ARMC3: variants seen among roughly 807,000 people sequenced by gnomAD.
ARMC3 encodes the protein armadillo repeat containing 3, also known as armadillo repeat-containing protein 3.
ARMC3 carries 74 observed loss-of-function variants against 90.3 expected under a neutral mutation model. That is an observed-to-expected ratio of 0.82 (90% confidence interval 0.68 to 0.99). ARMC3 has a LOEUF of 0.99. Among genes scored for constraint, ARMC3 ranks in the 50% least tolerant of loss-of-function variants. ARMC3 has a pLI of 0.00. For synonymous variants in ARMC3, 334 were observed against 361.8 expected (o/e 0.92, Z 0.87); for missense variants, 958 against 1,042.8 (o/e 0.92, Z 1.12).
At chr10:22,967,265 A>G (rs777976502) in intron 7 of ARMC3, among the ~76,000 whole-genome samples, 7 of 152,176 alleles carry the variant, frequency 4.6e-5, no homozygotes, top group Non-Finnish European at 7.3e-5. Context: ...AATCTCATAT[A>G]AAAAGTACTT....
At chr10:22,937,588 G>C (rs1460749492) in intron 2 of ARMC3, among the ~76,000 whole-genome samples, 1 of 152,134 alleles carries the variant, frequency 6.6e-6, no homozygotes, top group Non-Finnish European at 1.5e-5. Flanking sequence ...TATGAAGGTA[G>C]GTTGGGATCT....
At chr10:23,007,051 G>A (rs372615543) in intron 14 of ARMC3, 70 bp downstream of exon 14, 7 of 1,256,652 alleles carry the variant, frequency 5.6e-6, no homozygotes, top group Non-Finnish European at 6.7e-6. Flanking sequence ...CTCCACCAAC[G>A]TGTGAATATG....
chr10:22,981,258 T>A (rs1836168751), intron 8 of ARMC3, 82 bp from the exon 9 acceptor site: 2 of 1,293,718 alleles, frequency 1.5e-6, no homozygotes, highest in African/African-American at 3.0e-5. Flanking sequence ...TGAATTCCTA[T>A]TAGACTTTGG....
chr10:22,961,067 A>T (rs1835170465), intron 6 of ARMC3: 1 of 152,228 alleles, frequency 6.6e-6, no homozygotes, highest in Non-Finnish European at 1.5e-5. Flanking sequence ...TTAGGACTTC[A>T]GCATATATTT....
At position 22,941,502 on chromosome 10, in the gene ARMC3, G is replaced by A. The variant is rs539699601; in HGVS notation, c.49-4642G>A. On this transcript the variant is annotated intron_variant, in intron 2 of 18. Coordinates refer to ENST00000298032, the MANE Select transcript of ARMC3 (RefSeq NM_173081.5). ...AGTAAGATGAGAATGTGTCCATTCT[G>A]TGAGAATAGGAGATTGAGTTATCTA... Among the ~76,000 whole-genome samples the A allele has an allele frequency of 9.7e-4, 148 of 152,292 alleles. 2 individuals are homozygous for A. In the South Asian group the frequency reaches 0.03, roughly 31 times the overall value.
At chr10:23,005,578 G>A (rs1180727793) in intron 13 of ARMC3, among the ~76,000 whole-genome samples, 1 of 151,972 alleles carries the variant, frequency 6.6e-6, no homozygotes, top group Admixed American at 6.6e-5. Context: ...AAAATGAGAG[G>A]CACTGGCTTG....
intron 8 of ARMC3, 100 bp downstream of exon 8, chr10:22,968,589 T>TC: frequency 9.3e-7 from 1 of 1,075,774 alleles, no homozygotes; most frequent in South Asian, 1.9e-5. Context: ...AGCCTCAACC[T>TC]CCCCAGGTTA....
intron 17 of ARMC3, among the ~76,000 whole-genome samples, chr10:23,031,839 G>T (rs1193066876): frequency 6.6e-6 from 1 of 151,892 alleles, no homozygotes; most frequent in Non-Finnish European, 1.5e-5. Context: ...CCCCTGGCTT[G>T]GTGGAACTGC....
chr10:23,032,834 G>T (rs781443323), intron 17 of ARMC3, 27 bp from the exon 18 acceptor site: 11 of 1,596,496 alleles, frequency 6.9e-6, no homozygotes, highest in South Asian at 2.2e-5. Context: ...AAAATTGACC[G>T]ATTTGATCTC....
intron 16 of ARMC3, among the ~76,000 whole-genome samples, chr10:23,020,799 C>T (rs1173893270): frequency 6.6e-6 from 1 of 151,972 alleles, no homozygotes; most frequent in African/African-American, 2.4e-5. Flanking sequence ...TTTGTTTTTG[C>T]TTTTTCTCAA....
chr10:22,968,885 A>G (rs1047619518), intron 8 of ARMC3, among the ~76,000 whole-genome samples: 1 of 152,166 alleles, frequency 6.6e-6, no homozygotes, highest in African/African-American at 2.4e-5. Context: ...CTTTTAAAAA[A>G]CCATTTGAGA....
rs1839194025 is a variant in ARMC3, at chr10:23,038,206, A to T, written c.*727A>T. On this transcript the variant is annotated 3_prime_UTR_variant, in exon 19 of 19. Coordinates refer to ENST00000298032, the MANE Select transcript of ARMC3 (RefSeq NM_173081.5). ...TATTTTCAATTTATAGAACTAAAAA[A>T]TTTTTATTTTTTGGAAAACTTTGAA... 2 of 152,178 alleles carry T rather than the reference A, an allele frequency of 1.3e-5. No homozygotes were observed. Among genetic ancestry groups the T allele is most frequent in the African/African-American group, 4.8e-5 (2 of 41,446 alleles). The allele number at this position is 152,178 out of a possible 1,614,324, so 9.4% of individuals were successfully genotyped here.
At chr10:22,937,128 C>T (rs1209604148) in intron 2 of ARMC3, among the ~76,000 whole-genome samples, 7 of 152,078 alleles carry the variant, frequency 4.6e-5, no homozygotes, top group Non-Finnish European at 1.0e-4. Context: ...GTCTCGAACT[C>T]CTGGGCTCAA....
At chr10:22,944,072 G>T (rs1372587238) in intron 2 of ARMC3, among the ~76,000 whole-genome samples, 1 of 152,140 alleles carries the variant, frequency 6.6e-6, no homozygotes, top group Non-Finnish European at 1.5e-5. Flanking sequence ...GTGGCTGGAG[G>T]TTTTGCCTGA....
intron 10 of ARMC3, among the ~76,000 whole-genome samples, chr10:22,997,061 T>C (rs1329672392): frequency 2.0e-5 from 3 of 152,192 alleles, no homozygotes; most frequent in African/African-American, 7.2e-5. Context: ...TAAATGGATT[T>C]TGAAAACAGA....
chr10:22,971,624 A>G (rs1001695401), intron 8 of ARMC3, among the ~76,000 whole-genome samples: 13 of 151,884 alleles, frequency 8.6e-5, no homozygotes, highest in African/African-American at 3.1e-4. Context: ...TATTTGTAGT[A>G]GAGACATGAT....
At position 22,959,069 on chromosome 10, in the gene ARMC3, G is replaced by A. The variant is rs1236380018; in HGVS notation, c.293-1G>A. 6.2e-7 allele frequency: 1 copy of A among 1,601,212 alleles called. No homozygotes were observed. Among genetic ancestry groups the A allele is most frequent in the East Asian group, 2.2e-5 (1 of 44,828 alleles). ...TCAATACTCTGTTTCTTCCTTTGTA[G>A]ATGATGTTAAAAAATTGTTAAGGGA... is the stretch of plus-strand genomic sequence containing the variant. On this transcript the variant is annotated splice_acceptor_variant, in intron 4 of 18. Coordinates refer to ENST00000298032, the MANE Select transcript of ARMC3 (RefSeq NM_173081.5). LOFTEE classifies it high-confidence loss of function.
At chr10:22,947,929 T>TGATAA (rs143733147) in intron 3 of ARMC3, among the ~76,000 whole-genome samples, 5,510 of 152,276 alleles carry the variant, frequency 0.036, 314 homozygotes, top group African/African-American at 0.12. Flanking sequence ...TTATTACAAA[T>TGATAA]GATTAGACTT....
rs755652030 is a variant in ARMC3 at position 23,030,716 on chromosome 10, T to C, written c.2166T>C (p.Asp722=). 92 of 1,613,806 alleles carry C rather than the reference T, an allele frequency of 5.7e-5. No homozygotes were observed. The highest frequency in any genetic ancestry group is 7.7e-5 in the Non-Finnish European group (91 of 1,179,876). The change falls in exon 17 of 19, where the codon GAT becomes GAC. Residue 722 remains aspartate (D), a synonymous_variant. Transcript: ENST00000298032. ...AATGGTGTCCTCCCTCTGACCCTGA[T>C]TTCTCTATGTATGTGTATGAGGTGA... The part of the protein sequence containing the change: ...DKEWCPPSDP[D]FSMYVYEVTK...
Sources: gnomAD v4.1 joint callset for allele counts (sites outside exome capture counted in the v4.1 genomes callset) on GRCh38, gnomAD v4.1.1 for gene constraint, MANE v1.5 for transcripts, NCBI Gene and HGNC (gene_info 2026-07-23, HGNC 2026-07-21) for gene names.